NAALADL2: variants seen among roughly 807,000 people sequenced by gnomAD.
NAALADL2 encodes N-acetylated alpha-linked acidic dipeptidase like 2, also known as inactive N-acetylated-alpha-linked acidic dipeptidase-like protein 2.
In NAALADL2, 76 loss-of-function variants were observed where a neutral mutation model predicts 87.2. The ratio of observed to expected loss-of-function variants is 0.87; its 90% CI spans 0.72 to 1.05. NAALADL2 has a LOEUF of 1.05. Among genes scored for constraint, NAALADL2 ranks in the 50% least tolerant of loss-of-function variants. The probability of loss-of-function intolerance (pLI) is 0.00; values close to 1 mark genes in which losing one functional copy is unlikely to be tolerated. For synonymous variants in NAALADL2, 354 were observed against 331.0 expected, an observed-to-expected ratio of 1.07 and a Z score of -0.75; for missense variants, 1,089 against 945.8, an observed-to-expected ratio of 1.15 and a Z score of -1.99.
intron 1 of NAALADL2, among the ~76,000 whole-genome samples, chr3:174,479,161 A>G (rs1717402452): frequency 6.6e-6 from 1 of 152,170 alleles, no homozygotes; most frequent in Admixed American, 6.6e-5. Flanking sequence ...CATATTTTGA[A>G]TGCTCATACA....
intron 10 of NAALADL2, among the ~76,000 whole-genome samples, chr3:175,592,971 C>A (rs952466596): frequency 6.6e-6 from 1 of 151,882 alleles, no homozygotes; most frequent in African/African-American, 2.4e-5. Context: ...AACACCTTTC[C>A]ATGCTTTCAT....
At chr3:175,123,384 C>T (rs143955674) in intron 2 of NAALADL2, among the ~76,000 whole-genome samples, 3 of 151,914 alleles carry the variant, frequency 2.0e-5, no homozygotes, top group South Asian at 4.1e-4. Context: ...TGTCATGAAA[C>T]CTTTTTAACT....
chr3:175,412,347 G>T (rs987996847), intron 5 of NAALADL2, among the ~76,000 whole-genome samples: 1 of 152,162 alleles, frequency 6.6e-6, no homozygotes, highest in Non-Finnish European at 1.5e-5. Context: ...GCATTTAATG[G>T]ATAAATGGAT....
intron 9 of NAALADL2, among the ~76,000 whole-genome samples, chr3:175,560,180 G>A (rs1490873380): frequency 6.6e-6 from 1 of 152,062 alleles, no homozygotes; most frequent in Non-Finnish European, 1.5e-5. Context: ...ATGTGTCAAG[G>A]AATTTATTCA....
At chr3:175,687,911 G>A (rs1368893174) in intron 11 of NAALADL2, among the ~76,000 whole-genome samples, 6 of 151,930 alleles carry the variant, frequency 3.9e-5, no homozygotes, top group East Asian at 3.9e-4. Flanking sequence ...GCTTCCTGAG[G>A]CCTCACCAGA....
chr3:175,299,141 T>C (rs1228834058), intron 4 of NAALADL2, among the ~76,000 whole-genome samples: 1 of 152,214 alleles, frequency 6.6e-6, no homozygotes, highest in African/African-American at 2.4e-5. Flanking sequence ...TCTGTTTTGG[T>C]ACCAGTACCA....
intron 2 of NAALADL2, among the ~76,000 whole-genome samples, chr3:175,217,439 T>C (rs988657764): frequency 3.3e-5 from 5 of 152,218 alleles, no homozygotes; most frequent in African/African-American, 1.2e-4. Flanking sequence ...TCATTTCACA[T>C]GTACCAAAAA....
intron 5 of NAALADL2, among the ~76,000 whole-genome samples, chr3:175,443,617 G>T (rs574391046): frequency 6.6e-6 from 1 of 152,148 alleles, no homozygotes; most frequent in Admixed American, 6.5e-5. Context: ...GCTCAATTTT[G>T]GCAGGACTCA....
chr3:174,533,864 T>A (rs1721468550), intron 1 of NAALADL2, among the ~76,000 whole-genome samples: 1 of 152,140 alleles, frequency 6.6e-6, no homozygotes, highest in Non-Finnish European at 1.5e-5. Context: ...TCTTGACATT[T>A]GAGAATAAGA....
chr3:175,756,025 A>G (rs1293717029), intron 13 of NAALADL2, among the ~76,000 whole-genome samples: 1 of 152,158 alleles, frequency 6.6e-6, no homozygotes, highest in Non-Finnish European at 1.5e-5. Flanking sequence ...GAAGTTCCTT[A>G]TATAGTAGAA....
chr3:175,747,825 C>A (rs1746125848), intron 12 of NAALADL2, among the ~76,000 whole-genome samples: 1 of 152,102 alleles, frequency 6.6e-6, no homozygotes, highest in African/African-American at 2.4e-5. Context: ...ATCATGCAGT[C>A]ACAAACGTAA....
At chr3:174,929,465 G>A (rs1009431079) in intron 1 of NAALADL2, among the ~76,000 whole-genome samples, 1 of 152,020 alleles carries the variant, frequency 6.6e-6, no homozygotes, top group African/African-American at 2.4e-5. Flanking sequence ...TTATAGAATT[G>A]TGATGAAAGA....
At chr3:175,310,245 T>C (rs1294595584) in intron 4 of NAALADL2, among the ~76,000 whole-genome samples, 4 of 152,204 alleles carry the variant, frequency 2.6e-5, no homozygotes, top group Non-Finnish European at 5.9e-5. Flanking sequence ...TAAATGACTT[T>C]ATTGTTTTCT....
chr3:175,097,994 G>T lies in NAALADL2; in HGVS notation c.545+703G>T, dbSNP rs538244726. On this transcript the variant is annotated intron_variant, in intron 2 of 13. Coordinates refer to ENST00000454872, the MANE Select transcript of NAALADL2 (RefSeq NM_207015.3). ...TTGATTTGTTACAGCCAAGATGTTGGCAGGTGTGCATTTCCGGGAATTTTC... is the reference window on the plus strand; with the variant it reads ...TTGATTTGTTACAGCCAAGATGTTGTCAGGTGTGCATTTCCGGGAATTTTC... Among the ~76,000 whole-genome samples, 19 of 152,214 alleles carry T rather than the reference G, an allele frequency of 1.2e-4. No homozygotes were observed. The East Asian group carries it at 1.4e-3, about 11-fold the overall frequency.
intron 1 of NAALADL2, among the ~76,000 whole-genome samples, chr3:174,911,815 C>G (rs949191959): frequency 1.3e-5 from 2 of 152,060 alleles, no homozygotes; most frequent in South Asian, 4.1e-4. Flanking sequence ...GTGCCCTTTA[C>G]GATGTAGCCT....
chr3:174,453,533 C>T (rs1715624350), intron 1 of NAALADL2, among the ~76,000 whole-genome samples: 2 of 152,158 alleles, frequency 1.3e-5, no homozygotes, highest in Admixed American at 1.3e-4. Flanking sequence ...GGTCAGGTCA[C>T]CCAAAGGGAA....
intron 1 of NAALADL2, among the ~76,000 whole-genome samples, chr3:174,452,084 C>G (rs547834382): frequency 6.6e-6 from 1 of 151,960 alleles, no homozygotes; most frequent in African/African-American, 2.4e-5. Flanking sequence ...CTCGAGTGAT[C>G]TGCCTGCCTT....
intron 1 of NAALADL2, among the ~76,000 whole-genome samples, chr3:174,920,532 C>T (rs1735019502): frequency 1.3e-5 from 2 of 152,172 alleles, no homozygotes; most frequent in South Asian, 4.1e-4. Flanking sequence ...AGATCTTGCT[C>T]TTAATTAGGA....
intron 2 of NAALADL2, among the ~76,000 whole-genome samples, chr3:175,211,933 C>T (rs1741832433): frequency 6.6e-6 from 1 of 152,050 alleles, no homozygotes; most frequent in Non-Finnish European, 1.5e-5. Context: ...AAAAAATTCA[C>T]TCACTCACTA....
Sources: gnomAD v4.1 joint callset for allele counts (sites outside exome capture counted in the v4.1 genomes callset) on GRCh38, gnomAD v4.1.1 for gene constraint, MANE v1.5 for transcripts, NCBI Gene and HGNC (gene_info 2026-07-23, HGNC 2026-07-21) for gene names.